LRRCC1: variants seen among roughly 807,000 people sequenced by gnomAD.
LRRCC1 encodes the protein leucine rich repeat and coiled-coil centrosomal protein 1, also known as leucine-rich repeat and coiled-coil domain-containing protein 1.
In LRRCC1, 115 loss-of-function variants were observed where a neutral mutation model predicts 126.0. The ratio of observed to expected loss-of-function variants is 0.91; its 90% confidence interval spans 0.78 to 1.07. LRRCC1 has a LOEUF of 1.07. Ranked by LOEUF, LRRCC1 falls within the 50% of genes least tolerant of loss-of-function variation. The pLI is 0.00. For synonymous variants in LRRCC1, 400 were observed against 393.4 expected, an observed-to-expected ratio of 1.02 and a Z score of -0.20; for missense variants, 1,172 against 1,175.7, an observed-to-expected ratio of 1.00 and a Z score of 0.05.
Position 85,129,276 on chromosome 8 carries a change from T to G in LRRCC1, c.1523T>G (p.Met508Arg), listed in dbSNP as rs894266554. The G allele has an allele frequency of 6.2e-7, 1 of 1,613,672 alleles. No homozygotes were observed. The highest frequency in any genetic ancestry group is 8.5e-7 in the Non-Finnish European group (1 of 1,179,868). The change falls in exon 10 of 19, where the codon ATG becomes AGG. Residue 508 changes from methionine to arginine, a missense_variant. Physicochemically the swap from Met to Arg is moderately conservative, Grantham distance 91 (BLOSUM62 -1). Transcript: ENST00000360375. ...ATTAAAAAACTGACTGTTGAACTAA[T>G]GAAAGCAAAAGATCAACAAGAGGAT... ...NEIKKLTVELMKAKDQQEDHL... is the reference protein window; with the variant it reads ...NEIKKLTVELRKAKDQQEDHL...
chr8:85,118,816 A>G (rs950672955), intron 6 of LRRCC1, among the ~76,000 whole-genome samples: 1 of 151,956 alleles, frequency 6.6e-6, no homozygotes, highest in East Asian at 1.9e-4. Flanking sequence ...TGTGGATCTC[A>G]TATTCATTTC....
In LRRCC1 at chr8:85,134,913, C is replaced by T; in HGVS notation, c.2035C>T (p.Gln679Ter). The T allele has an allele frequency of 6.3e-7, 1 of 1,595,828 alleles. No homozygotes were observed. Among genetic ancestry groups the T allele is most frequent in the Non-Finnish European group, 8.5e-7 (1 of 1,176,076 alleles). ...AKSKHALIWAQRKENESSSLI... is the reference protein window; with the variant it reads ...AKSKHALIWA ...GAGCAAACATGCTCTTATTTGGGCT[C>T]AACGAAAAGAAAATGAGTCTTCCTC... Residue 679 changes from glutamine to a stop codon, truncating the protein, a stop_gained, in exon 13 of 19, where the codon CAA becomes TAA. Coordinates refer to ENST00000360375, the MANE Select transcript of LRRCC1 (RefSeq NM_033402.5). LOFTEE classifies it high-confidence loss of function.
Position 85,115,058 on chromosome 8 carries a change from T to G in LRRCC1, c.545-42T>G, listed in dbSNP as rs768396058. On this transcript the variant is annotated intron_variant, in intron 4 of 18. Transcript: ENST00000360375. Reference sequence around the variant, plus strand: ...GTTTATTCTAGAAATAATTGACTTTTTTTAATATTTCAGTTTTCATTTTGA... The same window carrying G: ...GTTTATTCTAGAAATAATTGACTTTGTTTAATATTTCAGTTTTCATTTTGA... 6.2e-6 allele frequency: 9 copies of G among 1,457,750 alleles called. No homozygotes were observed. The East Asian group carries it at 2.1e-4, about 34-fold the overall frequency. 90.3% of individuals were successfully genotyped at this position (1,457,750 alleles called of 1,614,324 possible).
chr8:85,123,355 A>G, intron 6 of LRRCC1, 58 bp from the exon 7 acceptor site: 1 of 1,138,690 alleles, frequency 8.8e-7, no homozygotes, highest in Non-Finnish European at 1.3e-6. Context: ...AAGATTTCCA[A>G]TTTCAATCTT....
intron 17 of LRRCC1, among the ~76,000 whole-genome samples, chr8:85,141,109 G>C (rs1811218866): frequency 6.6e-6 from 1 of 151,682 alleles, no homozygotes; most frequent in Non-Finnish European, 1.5e-5. Flanking sequence ...AAAATAAATG[G>C]GGAAACAGAG....
Position 85,134,978 on chromosome 8 carries a change from A to T in LRRCC1, c.2100A>T (p.Lys700Asn). Reference sequence around the variant, plus strand: ...TGACCTGTATGGTAAAGGAACAAAAAACAAAACTGGCAGAAGTTTCTAAAT... The same window carrying T: ...TGACCTGTATGGTAAAGGAACAAAATACAAAACTGGCAGAAGTTTCTAAAT... ...KDLTCMVKEQ[K>N]TKLAEVSKLK... The change falls in exon 13 of 19, where the codon AAA becomes AAT. Residue 700 changes from lysine (K) to asparagine (N), a missense_variant. Lys to Asn is a moderately conservative substitution (Grantham distance 94). Coordinates refer to ENST00000360375, the MANE Select transcript of LRRCC1 (RefSeq NM_033402.5). 2 of 1,558,146 alleles carry T rather than the reference A, an allele frequency of 1.3e-6. No homozygotes were observed. Among genetic ancestry groups the T allele is most frequent in the South Asian group, 2.5e-5 (2 of 80,398 alleles).
intron 12 of LRRCC1, among the ~76,000 whole-genome samples, chr8:85,132,524 C>A (rs1224718598): frequency 6.6e-6 from 1 of 152,048 alleles, no homozygotes; most frequent in African/African-American, 2.4e-5. Flanking sequence ...TCCCAAGTAG[C>A]TGGGACTACA....
chr8:85,112,984 T>C lies in LRRCC1; in HGVS notation c.429T>C (p.His143=). 2.5e-6 allele frequency: 4 copies of C among 1,600,778 alleles called. No individual in the cohort carries two copies. The highest frequency in any genetic ancestry group is 1.1e-5 in the South Asian group (1 of 89,472). The change falls in exon 4 of 19, where the codon CAT becomes CAC. Residue 143 remains histidine, a synonymous_variant. Transcript: ENST00000360375. ...ATAAACTTAGATATATTGATCTACA[T>C]AGTAATCGTATAGATAGTATCCATC... ...IKHKLRYIDL[H]SNRIDSIHHL... is the part of the protein sequence containing the mutation.
At chr8:85,118,691 A>G (rs145686713) in intron 6 of LRRCC1, among the ~76,000 whole-genome samples, 11 of 152,084 alleles carry the variant, frequency 7.2e-5, no homozygotes, top group Admixed American at 3.9e-4. Flanking sequence ...ATGCCTGTTC[A>G]AAATTTTTGC....
intron 6 of LRRCC1, among the ~76,000 whole-genome samples, chr8:85,116,378 A>G (rs1404601364): frequency 6.8e-6 from 1 of 147,018 alleles, no homozygotes; most frequent in Non-Finnish European, 1.5e-5. Context: ...ATTGTTACTA[A>G]TTTTTTTTTT....
At chr8:85,140,340 G>A (rs1027958436) in intron 17 of LRRCC1, among the ~76,000 whole-genome samples, 1 of 152,150 alleles carries the variant, frequency 6.6e-6, no homozygotes, top group African/African-American at 2.4e-5. Context: ...GAACCCAACA[G>A]TAATCCTGTA....
At position 85,129,458 on chromosome 8, in the gene LRRCC1, C is replaced by T. The variant is rs1438957809; in HGVS notation, c.1626+79C>T. The T allele has an allele frequency of 4.1e-6, 5 of 1,208,056 alleles. No individual in the cohort carries two copies. The Admixed American group carries it at 7.0e-5, about 17-fold the overall frequency. The allele number at this position is 1,208,056 out of a possible 1,614,324, so 74.8% of individuals were successfully genotyped here. A position where few individuals can be genotyped will look rare whatever the true frequency, so the allele number is the denominator to read the frequency against. On this transcript the variant is annotated intron_variant, in intron 10 of 18. Transcript: ENST00000360375. The stretch of plus-strand genomic sequence containing the variant: ...TCTATCGTGAAACAAATTATACTAC[C>T]TAGAAAACCTAAAAGATGTAAGGCC...
rs1488047119 is a variant in LRRCC1 at position 85,131,863 on chromosome 8, G to C, written c.1870G>C (p.Glu624Gln). 10 of 1,613,676 alleles carry C rather than the reference G, an allele frequency of 6.2e-6. No individual in the cohort carries two copies. In the East Asian group the frequency reaches 2.0e-4, roughly 32 times the overall value. The stretch of plus-strand genomic sequence containing the variant: ...GAAAAAGCATGAGCAAATGATAAAA[G>C]AATACCAAGAGAAAATTGACGTGTT... ...EEKKHEQMIK[E>Q]YQEKIDVLSQ... Residue 624 changes from glutamate to glutamine, a missense_variant, in exon 12 of 19, where the codon GAA becomes CAA. Physicochemically the swap from Glu to Gln is conservative, Grantham distance 29 (BLOSUM62 2). Coordinates refer to ENST00000360375, the MANE Select transcript of LRRCC1 (RefSeq NM_033402.5).
chr8:85,145,117 G>GTATATATATATATATA (rs10647086), intron 18 of LRRCC1, among the ~76,000 whole-genome samples: 15 of 143,364 alleles, frequency 1.0e-4, no homozygotes, highest in African/African-American at 3.1e-4. Flanking sequence ...ATATATGTGT[G>GTATATATATATATATA]TATATATATA....
Position 85,145,601 on chromosome 8 carries a change from T to A in LRRCC1, c.*90T>A. On this transcript the variant is annotated 3_prime_UTR_variant, in exon 19 of 19. Transcript: ENST00000360375. ...GTAATAGTAGTAACTGCTATGACTT[T>A]GAAATGTCTCTTTCTATACATTTCA... 1 of 1,066,924 alleles carries A rather than the reference T, an allele frequency of 9.4e-7. No homozygotes were observed. Among genetic ancestry groups the A allele is most frequent in the Non-Finnish European group, 1.3e-6 (1 of 757,110 alleles). The allele number at this position is 1,066,924 out of a possible 1,614,324, so 66.1% of individuals were successfully genotyped here. A position where few individuals can be genotyped will look rare whatever the true frequency, so the allele number is the denominator to read the frequency against.
In LRRCC1 at chr8:85,129,324, T is replaced by A. The variant is rs771737238; in HGVS notation, c.1571T>A (p.Leu524His). ...QEDHLKHLRT[L>H]EKTLEKMERQ... ...GATCACCTTAAACACTTAAGAACCC[T>A]CGAAAAAACATTAGAAAAAATGGAG... The change falls in exon 10 of 19, where the codon CTC (leucine) becomes CAC (histidine). Residue 524 changes from leucine to histidine, a missense_variant. By Grantham distance (99) the Leu-to-His change is moderately conservative (BLOSUM62 -3). Transcript: ENST00000360375. 2 of 1,611,988 alleles carry A rather than the reference T, an allele frequency of 1.2e-6. No individual in the cohort carries two copies. Among genetic ancestry groups the A allele is most frequent in the Non-Finnish European group, 1.7e-6 (2 of 1,179,506 alleles).
Position 85,123,661 on chromosome 8 carries a change from T to G in LRRCC1, c.1124+55T>G, listed in dbSNP as rs892586297. ...CACACAGAAGTTAATAATGCTGGCT[T>G]CTCTCTTGAAGCTATCTCTTGGTGA... On this transcript the variant is annotated intron_variant, in intron 7 of 18. Coordinates refer to ENST00000360375, the MANE Select transcript of LRRCC1 (RefSeq NM_033402.5). The G allele has an allele frequency of 7.7e-6, 10 of 1,295,474 alleles. No homozygotes were observed. The Admixed American group carries it at 1.8e-4, about 23-fold the overall frequency. The allele number at this position is 1,295,474 out of a possible 1,614,324, so 80.2% of individuals were successfully genotyped here. A position where few individuals can be genotyped will look rare whatever the true frequency, so the allele number is the denominator to read the frequency against.
intron 18 of LRRCC1, 146 bp from the exon 19 acceptor site, chr8:85,145,243 C>A: frequency 1.8e-6 from 1 of 557,978 alleles, no homozygotes; most frequent in Non-Finnish European, 3.0e-6. Flanking sequence ...AGCATTTGAG[C>A]AAGTTACATT....
At chr8:85,135,704 C>A in intron 13 of LRRCC1, 85 bp from the exon 14 acceptor site, 1 of 889,224 alleles carries the variant, frequency 1.1e-6, no homozygotes, top group Non-Finnish European at 1.5e-6. Context: ...GCTTAAATAA[C>A]ATTTTTTCTC....
Sources: gnomAD v4.1 joint callset for allele counts (sites outside exome capture counted in the v4.1 genomes callset) on GRCh38, gnomAD v4.1.1 for gene constraint, MANE v1.5 for transcripts, NCBI Gene and HGNC (gene_info 2026-07-23, HGNC 2026-07-21) for gene names.